Variants in MAD1L1 observed in about 807,000 individuals in gnomAD.
The protein encoded by MAD1L1 is mitotic arrest deficient 1 like 1.
MAD1L1 carries 95 observed loss-of-function variants against 96.9 expected under a neutral mutation model. The observed-to-expected ratio is 0.98, with a 90% CI of 0.83 to 1.16. The LOEUF is 1.16. MAD1L1 is among the 50% of genes most tolerant of loss of function. The probability of loss-of-function intolerance (pLI) is 0.00; values close to 1 mark genes in which losing one functional copy is unlikely to be tolerated. For missense variants in MAD1L1, 1,007 were observed against 954.4 expected (o/e 1.06, Z -0.73); for synonymous variants, 473 against 396.6 (o/e 1.19, Z -2.29).
At chr7:2,184,177 G>A (rs1338801753) in intron 10 of MAD1L1, among the ~76,000 whole-genome samples, 9 of 151,982 alleles carry the variant, frequency 5.9e-5, no homozygotes, top group East Asian at 5.8e-4. Context: ...GCATGAATCC[G>A]GGAGGCGGAG....
chr7:2,154,574 A>C (rs1259816740), intron 10 of MAD1L1, among the ~76,000 whole-genome samples: 1 of 152,178 alleles, frequency 6.6e-6, no homozygotes, highest in Non-Finnish European at 1.5e-5. Context: ...CATTCTGTGC[A>C]CGTAAGAAAA....
chr7:2,067,987 G>A (rs1784957052), intron 12 of MAD1L1, among the ~76,000 whole-genome samples: 1 of 152,260 alleles, frequency 6.6e-6, no homozygotes, highest in Non-Finnish European at 1.5e-5. Flanking sequence ...CACACTAGCA[G>A]ACACGGTGTG....
chr7:1,908,264 G>C (rs1024241343), intron 17 of MAD1L1, among the ~76,000 whole-genome samples: 1 of 152,236 alleles, frequency 6.6e-6, no homozygotes, highest in African/African-American at 2.4e-5. Context: ...GATGACGTGA[G>C]ACAGGGAACA....
intron 17 of MAD1L1, among the ~76,000 whole-genome samples, chr7:1,920,246 G>GCGTGCGTGTGCATGTGCGTGTGTA (rs1339799396): frequency 6.6e-6 from 1 of 152,228 alleles, no homozygotes; most frequent in Non-Finnish European, 1.5e-5. Flanking sequence ...GTGCGTGCGT[G>GCGTGCGTGTGCATGTGCGTGTGTA]CGTGCGTGTG....
At chr7:2,200,804 G>A (rs1029649550) in intron 10 of MAD1L1, among the ~76,000 whole-genome samples, 10 of 152,154 alleles carry the variant, frequency 6.6e-5, no homozygotes, top group East Asian at 1.9e-4. Flanking sequence ...TCCACCCTTC[G>A]GCCCAGCCTC....
intron 10 of MAD1L1, among the ~76,000 whole-genome samples, chr7:2,208,250 G>A (rs1278860262): frequency 6.6e-6 from 1 of 151,994 alleles, no homozygotes; most frequent in Non-Finnish European, 1.5e-5. Context: ...ACCCATTTTG[G>A]TACATTGTCC....
At chr7:2,075,487 A>G (rs1442050163) in intron 11 of MAD1L1, among the ~76,000 whole-genome samples, 1 of 152,138 alleles carries the variant, frequency 6.6e-6, no homozygotes, top group Non-Finnish European at 1.5e-5. Context: ...TTAAGCCTCT[A>G]GTTCCATGCT....
At chr7:2,105,010 G>A (rs542920693) in intron 11 of MAD1L1, among the ~76,000 whole-genome samples, 1 of 152,330 alleles carries the variant, frequency 6.6e-6, no homozygotes, top group Admixed American at 6.5e-5. Context: ...TGGGATTCCT[G>A]GCACAGCCTG....
intron 18 of MAD1L1, among the ~76,000 whole-genome samples, chr7:1,834,667 A>C (rs543123673): frequency 6.6e-6 from 1 of 152,376 alleles, no homozygotes; most frequent in African/African-American, 2.4e-5. Context: ...CAATGGGTTT[A>C]CCGATGAATT....
intron 18 of MAD1L1, among the ~76,000 whole-genome samples, chr7:1,830,700 G>A (rs1782660697): frequency 6.6e-6 from 1 of 151,910 alleles, no homozygotes; most frequent in Admixed American, 6.6e-5. Flanking sequence ...CGTATCATTC[G>A]AGGATGACTG....
intron 14 of MAD1L1, among the ~76,000 whole-genome samples, chr7:1,983,993 C>T (rs192805465): frequency 6.6e-6 from 1 of 152,232 alleles, no homozygotes; most frequent in Admixed American, 6.5e-5. Flanking sequence ...TCCTTTTGTT[C>T]TCTGACTTCT....
chr7:1,992,350 G>A (rs1200385312), intron 14 of MAD1L1, among the ~76,000 whole-genome samples: 1 of 152,272 alleles, frequency 6.6e-6, no homozygotes, highest in African/African-American at 2.4e-5. Context: ...CAATGAGGCT[G>A]CCTCCTCAAT....
intron 10 of MAD1L1, among the ~76,000 whole-genome samples, chr7:2,164,544 G>C (rs888941580): frequency 7.9e-6 from 1 of 127,274 alleles, no homozygotes; most frequent in Non-Finnish European, 1.6e-5. Flanking sequence ...CAGCAGATAT[G>C]TTAAGTGACA....
At chr7:2,151,608 C>T (rs1047384829) in intron 10 of MAD1L1, among the ~76,000 whole-genome samples, 3 of 152,264 alleles carry the variant, frequency 2.0e-5, no homozygotes, top group Non-Finnish European at 2.9e-5. Context: ...TAGAAACAAG[C>T]TTCTTGCCCC....
At chr7:2,066,810 C>A (rs1455218288) in intron 12 of MAD1L1, among the ~76,000 whole-genome samples, 1 of 152,238 alleles carries the variant, frequency 6.6e-6, no homozygotes, top group Non-Finnish European at 1.5e-5. Flanking sequence ...GGCAGCAGCA[C>A]CAGTGTCGCG....
At chr7:1,969,398 T>C (rs768258568) in intron 15 of MAD1L1, among the ~76,000 whole-genome samples, 11 of 151,816 alleles carry the variant, frequency 7.2e-5, no homozygotes, top group Non-Finnish European at 1.0e-4. Context: ...AATAAATAAA[T>C]AAATAAAACA....
At chr7:1,859,432 C>T (rs1306401173) in intron 18 of MAD1L1, among the ~76,000 whole-genome samples, 3 of 152,250 alleles carry the variant, frequency 2.0e-5, no homozygotes, top group South Asian at 2.1e-4. Flanking sequence ...GTTTCGGCTA[C>T]CGTGCAAAGG....
chr7:1,915,269 C>A (rs775356781), intron 17 of MAD1L1, among the ~76,000 whole-genome samples: 5 of 152,280 alleles, frequency 3.3e-5, no homozygotes, highest in Admixed American at 6.5e-5. Context: ...AACAGTAGCA[C>A]CTTGGAGCGG....
At chr7:2,081,859 C>T (rs948824627) in intron 11 of MAD1L1, among the ~76,000 whole-genome samples, 8 of 152,208 alleles carry the variant, frequency 5.3e-5, no homozygotes, top group African/African-American at 1.9e-4. Context: ...GGCCTTCATG[C>T]GAGTGGCCAA....
Sources: allele counts gnomAD v4.1 joint callset (sites outside exome capture counted in the v4.1 genomes callset), GRCh38; gene constraint gnomAD v4.1.1; transcripts MANE v1.5; gene names NCBI Gene and HGNC (gene_info 2026-07-23, HGNC 2026-07-21).